The following LRP5 variants were observed in gnomAD, a reference collection of about 807,000 sequenced individuals.
The protein encoded by LRP5 is low-density lipoprotein receptor-related protein 5.
A neutral mutation model predicts 154.1 loss-of-function variants in LRP5; 62 were observed. That is an observed-to-expected ratio of 0.40 (90% CI 0.33 to 0.50). The LOEUF (loss-of-function observed/expected upper bound fraction) is 0.50, where lower values mean the gene tolerates loss of function less well. Among genes scored for constraint, LRP5 ranks in the 20% least tolerant of loss-of-function variants. The pLI is 0.55. For missense variants in LRP5, 1,915 were observed against 2,336.7 expected (o/e 0.82, Z 3.72); for synonymous variants, 966 against 1,011.5 (o/e 0.96, Z 0.85).
At chr11:68,411,667 G>C (rs1276458649) in intron 11 of LRP5, 47 bp downstream of exon 11, 3 of 1,562,804 alleles carry the variant, frequency 1.9e-6, no homozygotes, top group Non-Finnish European at 1.7e-6. Flanking sequence ...CGGGGCAGCC[G>C]GGCGTTGGCC....
chr11:68,330,484 C>G (rs1394127338), intron 1 of LRP5, among the ~76,000 whole-genome samples: 1 of 152,202 alleles, frequency 6.6e-6, no homozygotes, highest in East Asian at 1.9e-4. Flanking sequence ...GTTCCCTCCT[C>G]TTGCTGGAAT....
chr11:68,371,961 T>C (rs1431086362), intron 5 of LRP5, among the ~76,000 whole-genome samples: 3 of 152,180 alleles, frequency 2.0e-5, no homozygotes, highest in Non-Finnish European at 4.4e-5. Context: ...CTCCAGGCTA[T>C]GGGTTGGTGA....
chr11:68,437,104 G>A, intron 19 of LRP5, 105 bp downstream of exon 19: 1 of 972,946 alleles, frequency 1.0e-6, no homozygotes, highest in South Asian at 1.3e-5. Context: ...TGGGGGCTGT[G>A]TGGGAGACTC....
At chr11:68,418,605 G>T (rs954974999) in intron 13 of LRP5, among the ~76,000 whole-genome samples, 1 of 152,184 alleles carries the variant, frequency 6.6e-6, no homozygotes, top group Non-Finnish European at 1.5e-5. Context: ...GTCCAGACAG[G>T]CTGGACGCCC....
At chr11:68,304,014 G>A in the LRP5 span, among the ~76,000 whole-genome samples, 1 of 152,238 alleles carries the variant, frequency 6.6e-6, no homozygotes, top group Non-Finnish European at 1.5e-5. Context: ...CCTCTTGCTA[G>A]AGGATTTGCA....
upstream of LRP5, among the ~76,000 whole-genome samples, chr11:68,308,411 C>A (rs1463913381): frequency 6.6e-6 from 1 of 152,158 alleles, no homozygotes; most frequent in Non-Finnish European, 1.5e-5. Flanking sequence ...AGGTGCTGAG[C>A]CCCTGTTACT....
At chr11:68,392,285 C>A (rs1246522829) in intron 7 of LRP5, among the ~76,000 whole-genome samples, 2 of 152,148 alleles carry the variant, frequency 1.3e-5, no homozygotes, top group African/African-American at 4.8e-5. Context: ...GGGCAGATCA[C>A]CTGAGGTCAG....
Position 68,438,487 on chromosome 11 carries a change from A to C in LRP5, c.4153A>C (p.Ser1385Arg). The change falls in exon 20 of 23, where the codon AGT becomes CGT. Residue 1385 changes from serine (S) to arginine (R), a missense_variant. By Grantham distance (110) the Ser-to-Arg change is moderately radical (BLOSUM62 -1). Coordinates refer to ENST00000294304, the MANE Select transcript of LRP5 (RefSeq NM_002335.4). ...CTCAGACGACAGCCCGGCCCACAGC[A>C]GTGCCATCGGGCCCGTCATTGGCAT... ...PPSDDSPAHS[S>R]AIGPVIGIIL... 2 of 1,614,218 alleles carry C rather than the reference A, an allele frequency of 1.2e-6. No homozygotes were observed. Among genetic ancestry groups the C allele is most frequent in the Non-Finnish European group, 1.7e-6 (2 of 1,180,034 alleles).
Position 68,406,587 on chromosome 11 carries a change from C to A in LRP5, c.1865C>A (p.Ala622Glu). 6.2e-7 allele frequency: 1 copy of A among 1,614,218 alleles called. No homozygotes were observed. Among genetic ancestry groups the A allele is most frequent in the South Asian group, 1.1e-5 (1 of 91,090 alleles). The change falls in exon 9 of 23, where the codon GCA becomes GAA. Residue 622 changes from alanine (A) to glutamate (E), a missense_variant. Physicochemically the swap from Ala to Glu is moderately radical, Grantham distance 107. Coordinates refer to ENST00000294304, the MANE Select transcript of LRP5 (RefSeq NM_002335.4). Reference sequence around the variant, plus strand: ...CACCTGTGCTTCTTCACACCCCACGCAACCCGGTGTGGCTGCCCCATCGGC... The same window carrying A: ...CACCTGTGCTTCTTCACACCCCACGAAACCCGGTGTGGCTGCCCCATCGGC... ...CSHLCFFTPH[A>E]TRCGCPIGLE...
intron 7 of LRP5, among the ~76,000 whole-genome samples, chr11:68,396,026 C>T (rs2098649152): frequency 6.6e-6 from 1 of 152,064 alleles, no homozygotes; most frequent in African/African-American, 2.4e-5. Context: ...CAGGCTCGTT[C>T]AGGAAACACC....
At position 68,348,364 on chromosome 11, in the gene LRP5, G is replaced by GT; in HGVS notation, c.488+122dup. On this transcript the variant is annotated intron_variant, in intron 2 of 22. Transcript: ENST00000294304. ...AGGGTGTGACTCTGAAAATGAACCC[G>GT]TGGGGGGGTTGGCTCAGGCCTGTAA... 5 of 1,341,144 alleles carry GT rather than the reference G, an allele frequency of 3.7e-6. No homozygotes were observed. The South Asian group carries it at 3.9e-5, about 10-fold the overall frequency. 83.1% of individuals were successfully genotyped at this position (1,341,144 alleles called of 1,614,324 possible).
chr11:68,440,119 A>G (rs1282201214), intron 21 of LRP5, among the ~76,000 whole-genome samples: 1 of 152,208 alleles, frequency 6.6e-6, no homozygotes, highest in African/African-American at 2.4e-5. Flanking sequence ...AACTACACAA[A>G]AATATAAAGA....
At chr11:68,362,203 G>T (rs1277474113) in intron 3 of LRP5, among the ~76,000 whole-genome samples, 1 of 152,188 alleles carries the variant, frequency 6.6e-6, no homozygotes, top group Non-Finnish European at 1.5e-5. Context: ...CCGTTTATAT[G>T]AGATGTTGAG....
At chr11:68,341,009 A>G (rs1392402573) in intron 1 of LRP5, among the ~76,000 whole-genome samples, 1 of 142,664 alleles carries the variant, frequency 7.0e-6, no homozygotes, top group Non-Finnish European at 1.5e-5. Context: ...AATTGGTGCT[A>G]CCTTTCCACG....
At chr11:68,415,192 G>T (rs1374237151) in intron 12 of LRP5, among the ~76,000 whole-genome samples, 2 of 152,188 alleles carry the variant, frequency 1.3e-5, no homozygotes, top group Non-Finnish European at 2.9e-5. Context: ...TGGTTCTTCG[G>T]ATCCTGGTAC....
At chr11:68,431,231 CTTT>C (rs34840282) in intron 17 of LRP5, among the ~76,000 whole-genome samples, 936 of 93,028 alleles carry the variant, frequency 0.01, 12 homozygotes, top group East Asian at 0.04. Flanking sequence ...GCTGTGCACC[CTTT>C]TTTTTTTTTT....
rs759297600 is a variant in LRP5 at position 68,365,684 on chromosome 11, G to C, written c.997G>C (p.Gly333Arg). 6.3e-7 allele frequency: 1 copy of C among 1,588,214 alleles called. No individual in the cohort carries two copies. The highest frequency in any genetic ancestry group is 1.4e-5 in the African/African-American group (1 of 73,480). ...CACGGGTGTGCAGCTGCAGGACAAC[G>C]GCAGGACGTGTAAGGCAGGTGAGGC... The part of the protein sequence containing the change: ...CPTGVQLQDN[G>R]RTCKAGAEEV... Residue 333 changes from glycine (G) to arginine (R), a missense_variant, in exon 5 of 23, where the codon GGC becomes CGC. Coordinates refer to ENST00000294304, the MANE Select transcript of LRP5 (RefSeq NM_002335.4).
At chr11:68,333,717 A>G (rs2098604130) in intron 1 of LRP5, among the ~76,000 whole-genome samples, 1 of 152,206 alleles carries the variant, frequency 6.6e-6, no homozygotes. Flanking sequence ...TATAAAGTAT[A>G]TGGATTATAT....
At chr11:68,424,454 G>A (rs2098667551) in intron 14 of LRP5, among the ~76,000 whole-genome samples, 3 of 152,284 alleles carry the variant, frequency 2.0e-5, no homozygotes, top group Middle Eastern at 3.4e-3. Context: ...TGCAGCACAC[G>A]GGGGGCTCGG....
Sources: allele counts gnomAD v4.1 joint callset (sites outside exome capture counted in the v4.1 genomes callset), GRCh38; gene constraint gnomAD v4.1.1; transcripts MANE v1.5; gene names NCBI Gene and HGNC (gene_info 2026-07-23, HGNC 2026-07-21).